The following DICER1 variants were observed in gnomAD, a reference collection of about 807,000 sequenced individuals.
DICER1 encodes endoribonuclease Dicer.
Under a neutral mutation model 194.1 loss-of-function variants are expected in DICER1, and 43 were observed. That is an observed-to-expected ratio of 0.22 (90% CI 0.17 to 0.29). DICER1 has a LOEUF of 0.29. Among genes scored for constraint, DICER1 ranks in the 10% least tolerant of loss-of-function variants. The pLI is 1.00. For missense variants in DICER1, 1,608 were observed against 2,317.0 expected, an observed-to-expected ratio of 0.69 and a Z score of 6.28; for synonymous variants, 832 against 820.5, an observed-to-expected ratio of 1.01 and a Z score of -0.24.
intron 1 of DICER1, among the ~76,000 whole-genome samples, chr14:95,150,102 A>G (rs572573132): frequency 2.0e-5 from 3 of 152,354 alleles, no homozygotes; most frequent in South Asian, 4.1e-4. Context: ...TTCAGAAACA[A>G]TTTTAAAGTT....
rs781090715 is a variant in DICER1, at chr14:95,124,594, T to C, written c.978A>G (p.Val326=). 6.2e-7 allele frequency: 1 copy of C among 1,613,790 alleles called. No individual in the cohort carries two copies. The highest frequency in any genetic ancestry group is 8.5e-7 in the Non-Finnish European group (1 of 1,180,022). The stretch of plus-strand genomic sequence containing the variant: ...GTTTGATGTATTTCTGTAGTTCTCT[T>C]ACCATCATTCCAGCTACTTTATCTG... ...WCADKVAGMM[V]RELQKYIKHE... Residue 326 remains valine, a synonymous_variant, in exon 8 of 27, where the codon GTA becomes GTG. Transcript: ENST00000343455. The surrounding 1 kb of genome is among the most constrained non-coding windows in gnomAD (Gnocchi z 4.5).
chr14:95,134,328 A>C (rs531996033), intron 1 of DICER1: 1 of 152,356 alleles, frequency 6.6e-6, no homozygotes, highest in East Asian at 1.9e-4. Context: ...TGATTATGTA[A>C]AATGATAAAA....
intron 21 of DICER1, among the ~76,000 whole-genome samples, chr14:95,103,073 AACTG>A (rs1376393357): frequency 1.3e-5 from 2 of 152,198 alleles, no homozygotes; most frequent in Non-Finnish European, 2.9e-5. Flanking sequence ...GCTTCCTTTG[AACTG>A]ACTTTCAATC....
At chr14:95,115,001 C>G (rs1205054669) in intron 11 of DICER1, among the ~76,000 whole-genome samples, 1 of 152,112 alleles carries the variant, frequency 6.6e-6, no homozygotes, top group African/African-American at 2.4e-5. Flanking sequence ...GAGGACAACT[C>G]CTGACTCTAA....
At chr14:95,146,976 A>G (rs966262562) in intron 1 of DICER1, among the ~76,000 whole-genome samples, 4 of 152,198 alleles carry the variant, frequency 2.6e-5, no homozygotes, top group Non-Finnish European at 5.9e-5. Context: ...GAGAGGAAGG[A>G]GGTGAGAGAA....
In DICER1 at chr14:95,105,545, T is replaced by G. The variant is rs948619039; in HGVS notation, c.3093+133A>C. 6.4e-6 allele frequency: 5 copies of G among 778,846 alleles called. No homozygotes were observed. In the East Asian group the frequency reaches 8.1e-5, roughly 13 times the overall value. The allele number at this position is 778,846 out of a possible 1,614,324, so 48.2% of individuals were successfully genotyped here. ...TAATTAAAACAAAACAAAACAAAAT[T>G]TGAGGATTAGGTAACTTCTAAAAAA... On this transcript the variant is annotated intron_variant, in intron 19 of 26. Coordinates refer to ENST00000343455, the MANE Select transcript of DICER1 (RefSeq NM_177438.3). The surrounding 1 kb of genome is among the most constrained non-coding windows in gnomAD (Gnocchi z 4.9).
intron 26 of DICER1, 108 bp downstream of exon 26, chr14:95,090,926 A>C: frequency 1.8e-6 from 2 of 1,123,582 alleles, no homozygotes; most frequent in Non-Finnish European, 2.6e-6. Context: ...ACAACAGCAC[A>C]CCACAGTGTA....
chr14:95,137,232 GGGAAGA>G (rs1894450570), intron 1 of DICER1, among the ~76,000 whole-genome samples: 2 of 145,418 alleles, frequency 1.4e-5, no homozygotes, highest in African/African-American at 5.1e-5. Flanking sequence ...GAAAGGAAAG[GGGAAGA>G]GGAAGAGAAA....
intron 7 of DICER1, among the ~76,000 whole-genome samples, chr14:95,125,523 AGAGAGGGAGAGAGG>A (rs1893334394): frequency 9.3e-6 from 1 of 108,042 alleles, no homozygotes; most frequent in East Asian, 3.2e-4. Context: ...GCAGAGAGGC[AGAGAGGGAGAGAGG>A]GAGAGGGAGA....
At chr14:95,106,303 T>C in intron 17 of DICER1, 80 bp from the exon 18 acceptor site, 1 of 1,054,506 alleles carries the variant, frequency 9.5e-7, no homozygotes, top group Non-Finnish European at 1.4e-6. Flanking sequence ...GTTTGTAGTA[T>C]GGAAATGATG....
intron 17 of DICER1, among the ~76,000 whole-genome samples, chr14:95,107,314 G>A (rs576506158): frequency 1.5e-4 from 23 of 151,102 alleles, no homozygotes; most frequent in Non-Finnish European, 2.4e-4. Context: ...GCAGTGGAGC[G>A]ATCTCAGCTC....
At chr14:95,120,774 T>C (rs1892873721) in intron 8 of DICER1, among the ~76,000 whole-genome samples, 1 of 152,132 alleles carries the variant, frequency 6.6e-6, no homozygotes, top group African/African-American at 2.4e-5. Flanking sequence ...TTAATAAATA[T>C]AAGTAGACAG....
chr14:95,108,353 C>T lies in DICER1; in HGVS notation c.2407G>A (p.Gly803Arg), dbSNP rs1891645525. Residue 803 changes from glycine to arginine, a missense_variant, in exon 15 of 27, where the codon GGA (glycine) becomes AGA (arginine). By Grantham distance (125) the Gly-to-Arg change is moderately radical. Transcript: ENST00000343455. ...YPPEDTTRCF[G>R]ILTAKPIPQI... ...GGTATGGGTTTGGCCGTCAGTATTC[C>T]AAAGCATCTTGTGGTATCTTCAGGA... 1 of 1,613,872 alleles carries T rather than the reference C, an allele frequency of 6.2e-7. No homozygotes were observed. Among genetic ancestry groups the T allele is most frequent in the Non-Finnish European group, 8.5e-7 (1 of 1,180,000 alleles).
intron 6 of DICER1, among the ~76,000 whole-genome samples, chr14:95,128,473 A>G (rs758220070): frequency 1.3e-5 from 2 of 152,308 alleles, no homozygotes; most frequent in African/African-American, 2.4e-5. Context: ...CGTAAGATTT[A>G]TATTTCACAT....
chr14:95,147,124 T>C (rs1056309166), intron 1 of DICER1, among the ~76,000 whole-genome samples: 1 of 152,190 alleles, frequency 6.6e-6, no homozygotes, highest in South Asian at 2.1e-4. Flanking sequence ...TGTGGATGAT[T>C]TGTGTGACGA....
chr14:95,122,321 C>A (rs1042392597), intron 8 of DICER1, among the ~76,000 whole-genome samples: 2 of 152,190 alleles, frequency 1.3e-5, no homozygotes, highest in African/African-American at 4.8e-5. Flanking sequence ...CCCATTTCTT[C>A]TCTCCAAGCC....
At chr14:95,112,814 A>T (rs1892093810) in intron 12 of DICER1, among the ~76,000 whole-genome samples, 1 of 152,232 alleles carries the variant, frequency 6.6e-6, no homozygotes, top group African/African-American at 2.4e-5. Flanking sequence ...CTTAGAAGAA[A>T]CTTCAGAGAT....
chr14:95,118,866 T>C (rs1176093565), intron 8 of DICER1, among the ~76,000 whole-genome samples: 1 of 152,008 alleles, frequency 6.6e-6, no homozygotes, highest in Non-Finnish European at 1.5e-5. Flanking sequence ...CTAGAATCTC[T>C]CTTGATCCCA....
At chr14:95,156,041 C>T (rs2140497490) in intron 1 of DICER1, among the ~76,000 whole-genome samples, 1 of 152,228 alleles carries the variant, frequency 6.6e-6, no homozygotes, top group Non-Finnish European at 1.5e-5. Flanking sequence ...TATCCCGAAC[C>T]CATCTTTTAA....
Sources: allele counts gnomAD v4.1 joint callset (sites outside exome capture counted in the v4.1 genomes callset), GRCh38; gene constraint gnomAD v4.1.1; non-coding constraint Gnocchi (gnomAD v3.1); transcripts MANE v1.5; gene names NCBI Gene and HGNC (gene_info 2026-07-23, HGNC 2026-07-21).